The following TBX1 variants were observed in gnomAD, a reference collection of about 807,000 sequenced individuals.
TBX1 encodes the protein T-box transcription factor 1.
In TBX1, 16 loss-of-function variants were observed where a neutral mutation model predicts 40.8. The observed-to-expected ratio is 0.39, with a 90% CI of 0.27 to 0.60. The LOEUF (loss-of-function observed/expected upper bound fraction) is 0.60, where lower values mean the gene tolerates loss of function less well. Ranked by LOEUF, TBX1 falls within the 20% of genes least tolerant of loss-of-function variation. The pLI is 0.51. For missense variants in TBX1, 755 were observed against 728.5 expected (o/e 1.04, Z -0.42); for synonymous variants, 403 against 336.8 (o/e 1.20, Z -2.15).
At chr22:19,774,087 A>G (rs1387174367) in intron 8 of TBX1, among the ~76,000 whole-genome samples, 1 of 152,244 alleles carries the variant, frequency 6.6e-6, no homozygotes, top group Non-Finnish European at 1.5e-5. Flanking sequence ...TTAAAAAACA[A>G]AAACAGAAAA....
Position 19,766,519 on chromosome 22 carries a change from C to T in TBX1, c.1167C>T (p.Gly389=). The change falls in exon 7 of 7, where the codon GGC becomes GGT. Residue 389 remains glycine (G), a synonymous_variant. Coordinates refer to ENST00000649276, the MANE Select transcript of TBX1 (RefSeq NM_001379200.1). The part of the protein sequence containing the change: ...SPSLPGAGGA[G]GLVPLPGAPG... ...CGCTGCCCGGGGCCGGCGGCGCCGG[C>T]GGCTTAGTCCCGCTGCCCGGCGCGC... 3.1e-6 allele frequency: 4 copies of T among 1,308,618 alleles called. No individual in the cohort carries two copies. Among genetic ancestry groups the T allele is most frequent in the Non-Finnish European group, 3.9e-6 (4 of 1,034,508 alleles). 81.1% of individuals were successfully genotyped at this position (1,308,618 alleles called of 1,614,324 possible).
chr22:19,781,467 G>A (rs41298038), downstream of TBX1, among the ~76,000 whole-genome samples: 2,391 of 152,178 alleles, frequency 0.016, 59 homozygotes, highest in African/African-American at 0.054. Flanking sequence ...TATATGGTTT[G>A]TAAAGATTTT....
downstream of TBX1, among the ~76,000 whole-genome samples, chr22:19,768,204 C>G (rs901280726): frequency 6.6e-6 from 1 of 152,200 alleles, no homozygotes; most frequent in Non-Finnish European, 1.5e-5. Context: ...CGTGCCTGTC[C>G]CAGTGTGTTT....
chr22:19,758,806 G>A (rs72646947), upstream of TBX1, among the ~76,000 whole-genome samples: 10 of 152,220 alleles, frequency 6.6e-5, no homozygotes, highest in Non-Finnish European at 1.5e-4. Context: ...CGCGGGCTGC[G>A]CAGCCTGGGC....
chr22:19,758,155 G>A (rs1177446379), upstream of TBX1, among the ~76,000 whole-genome samples: 1 of 152,190 alleles, frequency 6.6e-6, no homozygotes, highest in African/African-American at 2.4e-5. Context: ...ATCCTCTCCA[G>A]CCCAGGGTCT....
At chr22:19,777,483 C>T (rs1937083892) in intron 8 of TBX1, among the ~76,000 whole-genome samples, 1 of 152,094 alleles carries the variant, frequency 6.6e-6, no homozygotes, top group African/African-American at 2.4e-5. Context: ...GGGTTGGTTC[C>T]AAGTCTTTGC....
intron 3 of TBX1, 116 bp downstream of exon 3, chr22:19,764,442 C>G: frequency 7.3e-7 from 1 of 1,371,646 alleles, no homozygotes; most frequent in South Asian, 1.2e-5. Flanking sequence ...CCAGGCGGCT[C>G]TGGGCTGTCC....
In TBX1 at chr22:19,765,038, T is replaced by C; in HGVS notation, c.792T>C (p.Tyr264=). ...YVDPRKDSEK[Y]AEENFKTFVF... ...ACCCACGCAAAGATAGCGAGAAATA[T>C]GCCGAGGAGAACTTCAAAACCTTTG... The change falls in exon 4 of 7, where the codon TAT becomes TAC. Residue 264 remains tyrosine, a synonymous_variant. Transcript: ENST00000649276. 3 of 1,614,194 alleles carry C rather than the reference T, an allele frequency of 1.9e-6. No homozygotes were observed. Among genetic ancestry groups the C allele is most frequent in the Non-Finnish European group, 2.5e-6 (3 of 1,180,046 alleles).
upstream of TBX1, among the ~76,000 whole-genome samples, chr22:19,760,216 T>A (rs1375197293): frequency 7.6e-6 from 1 of 131,036 alleles, no homozygotes; most frequent in Non-Finnish European, 1.7e-5. Context: ...ACTTTAGTTT[T>A]TTTTTTTTTA....
intron 8 of TBX1, among the ~76,000 whole-genome samples, chr22:19,772,733 C>T (rs147299276): frequency 1.1e-4 from 17 of 152,228 alleles, no homozygotes; most frequent in Admixed American, 6.5e-4. Context: ...CATCACAGAA[C>T]GAAGATGGTG....
intron 3 of TBX1, 136 bp downstream of exon 3, chr22:19,764,462 C>G (rs1936768135): frequency 8.9e-7 from 1 of 1,122,656 alleles, no homozygotes; most frequent in African/African-American, 1.5e-5. Context: ...CCCGAGGAGG[C>G]CCTTTAGAGT....
downstream of TBX1, among the ~76,000 whole-genome samples, chr22:19,771,263 G>T (rs895557276): frequency 6.6e-6 from 1 of 152,244 alleles, no homozygotes; most frequent in Non-Finnish European, 1.5e-5. Flanking sequence ...GGGAGGGCAG[G>T]ATGAGACCTT....
At chr22:19,759,683 CCT>C (rs752270924), upstream of TBX1, 1 of 1,612,352 alleles carries the variant, frequency 6.2e-7, no homozygotes, top group South Asian at 1.1e-5. Context: ...GGAAGGTGAG[CCT>C]CCAGGCCGTG....
At position 19,766,922 on chromosome 22, in the gene TBX1, G is replaced by A. The variant is rs990431507; in HGVS notation, c.*55G>A. 89 of 1,565,984 alleles carry A rather than the reference G, an allele frequency of 5.7e-5. No homozygotes were observed. Among genetic ancestry groups the A allele is most frequent in the African/African-American group, 8.3e-5 (6 of 72,666 alleles). ...CCTGCACAGCCCCGAAGTTCGCCGG[G>A]CCCGGCCACCCTGCCCCAAGGGCAA... On this transcript the variant is annotated 3_prime_UTR_variant, in exon 7 of 7. Transcript: ENST00000649276.
At chr22:19,774,276 G>A (rs1452746935) in intron 8 of TBX1, among the ~76,000 whole-genome samples, 1 of 152,180 alleles carries the variant, frequency 6.6e-6, no homozygotes. Context: ...CCGCCTGGGC[G>A]GGCCTAGGCA....
chr22:19,766,059 C>T (rs1393720188), intron 6 of TBX1, 57 bp downstream of exon 6: 2 of 1,374,208 alleles, frequency 1.5e-6, no homozygotes, highest in South Asian at 1.5e-5. Context: ...TACCCCGGGC[C>T]GGCGGCCTCG....
chr22:19,765,514 T>TC (rs767721031), intron 4 of TBX1, among the ~76,000 whole-genome samples: 32 of 152,060 alleles, frequency 2.1e-4, no homozygotes, highest in Non-Finnish European at 4.0e-4. Context: ...AGGGCCTCCA[T>TC]CCCCACCCAC....
intron 8 of TBX1, among the ~76,000 whole-genome samples, chr22:19,777,732 A>G (rs1418547822): frequency 1.3e-5 from 2 of 150,090 alleles, no homozygotes; most frequent in African/African-American, 4.9e-5. Flanking sequence ...TGCTGGGCAC[A>G]GGTTCAGGGT....
At chr22:19,781,390 C>T (rs766452227), downstream of TBX1, among the ~76,000 whole-genome samples, 4 of 152,036 alleles carry the variant, frequency 2.6e-5, no homozygotes, top group Non-Finnish European at 5.9e-5. Flanking sequence ...ATTTTTGAAT[C>T]GGCTTTTTTG....
Sources: allele counts gnomAD v4.1 joint callset (sites outside exome capture counted in the v4.1 genomes callset), GRCh38; gene constraint gnomAD v4.1.1; transcripts MANE v1.5; gene names NCBI Gene and HGNC (gene_info 2026-07-23, HGNC 2026-07-21).